NOL9: variants seen among roughly 807,000 people sequenced by gnomAD.
NOL9 encodes the protein nucleolar protein 9.
NOL9 carries 28 observed loss-of-function variants against 67.9 expected under a neutral mutation model. The ratio of observed to expected loss-of-function variants is 0.41; its 90% CI spans 0.31 to 0.57. The LOEUF (loss-of-function observed/expected upper bound fraction) is 0.57, where lower values mean the gene tolerates loss of function less well. Among genes scored for constraint, NOL9 ranks in the 20% least tolerant of loss-of-function variants. The probability of loss-of-function intolerance (pLI) is 0.25; values close to 1 mark genes in which losing one functional copy is unlikely to be tolerated. For missense variants in NOL9, 777 were observed against 897.0 expected, an observed-to-expected ratio of 0.87 and a Z score of 1.71; for synonymous variants, 356 against 352.2, an observed-to-expected ratio of 1.01 and a Z score of -0.12.
chr1:6,525,635 A>G lies in NOL9; in HGVS notation c.*219T>C, dbSNP rs1638866771. ...GCTGTTTTACTCCCTCTGGACAGCAAGTATGAGTATCACACAGAAGACTAG... is the reference window on the plus strand; with the variant it reads ...GCTGTTTTACTCCCTCTGGACAGCAGGTATGAGTATCACACAGAAGACTAG... On this transcript the variant is annotated 3_prime_UTR_variant, in exon 12 of 12. Coordinates refer to ENST00000377705, the MANE Select transcript of NOL9 (RefSeq NM_024654.5). 4 of 573,994 alleles carry G rather than the reference A, an allele frequency of 7.0e-6. No homozygotes were observed. Among genetic ancestry groups the G allele is most frequent in the Non-Finnish European group, 1.2e-5 (4 of 323,202 alleles). The allele number at this position is 573,994 out of a possible 1,614,324, so 35.6% of individuals were successfully genotyped here. A position where few individuals can be genotyped will look rare whatever the true frequency, so the allele number is the denominator to read the frequency against.
Position 6,545,034 on chromosome 1 carries a change from G to A in NOL9, c.880+11C>T, listed in dbSNP as rs1266059989. The A allele has an allele frequency of 5.6e-6, 9 of 1,613,976 alleles. No individual in the cohort carries two copies. Among genetic ancestry groups the A allele is most frequent in the Non-Finnish European group, 7.6e-6 (9 of 1,180,022 alleles). ...GACAGACATTCAGGGTGATCAATGT[G>A]TATTACTCACCACAGGAAACATTGA... On this transcript the variant is annotated intron_variant, in intron 4 of 11. Transcript: ENST00000377705.
Position 6,532,802 on chromosome 1 carries a change from C to T in NOL9, c.1238-42G>A. The T allele has an allele frequency of 2.0e-6, 3 of 1,529,686 alleles. No individual in the cohort carries two copies. The South Asian group carries it at 3.6e-5, about 18-fold the overall frequency. 94.8% of individuals were successfully genotyped at this position (1,529,686 alleles called of 1,614,324 possible). On this transcript the variant is annotated intron_variant, in intron 7 of 11. Transcript: ENST00000377705. ...TTAGCACAGCTGATACACTCAAGAA[C>T]AGTGACGCGCTCAAGAACAGTGACA...
At chr1:6,541,528 G>A (rs1195387957) in intron 6 of NOL9, among the ~76,000 whole-genome samples, 1 of 152,102 alleles carries the variant, frequency 6.6e-6, no homozygotes, top group Non-Finnish European at 1.5e-5. Context: ...CTCGATAGTT[G>A]TACATAAGAT....
At chr1:6,542,020 C>T (rs966148860) in intron 5 of NOL9, 93 bp from the exon 6 acceptor site, 4 of 713,860 alleles carry the variant, frequency 5.6e-6, no homozygotes, top group Middle Eastern at 3.2e-4. Flanking sequence ...TCATGTGACA[C>T]GCAGGCATAA....
In NOL9 at chr1:6,540,121, A is replaced by AGTCTT. The variant is rs1553183453; in HGVS notation, c.1075+1708_1075+1709insAAGAC. Among the ~76,000 whole-genome samples, 85 of 18,982 alleles carry AGTCTT rather than the reference A, an allele frequency of 4.5e-3. 2 individuals are homozygous for AGTCTT. The highest frequency in any genetic ancestry group is 0.012 in the African/African-American group (75 of 6,494). 12.5% of individuals were successfully genotyped at this position (18,982 alleles called of 152,430 possible). The stretch of plus-strand genomic sequence containing the variant: ...CTGCCTCAGCCTCCCAAGGAGAGTT[A>AGTCTT]TTCTTTTTTTTTTTTTTTTGAGACA... On this transcript the variant is annotated intron_variant, in intron 6 of 11. Transcript: ENST00000377705.
chr1:6,545,310 A>C, intron 3 of NOL9, 130 bp from the exon 4 acceptor site: 1 of 852,760 alleles, frequency 1.2e-6, no homozygotes, highest in Non-Finnish European at 1.8e-6. Flanking sequence ...TCCTGCCCCA[A>C]AATCCAACCC....
intron 6 of NOL9, among the ~76,000 whole-genome samples, chr1:6,535,500 G>T (rs1350867468): frequency 1.3e-5 from 2 of 152,226 alleles, no homozygotes; most frequent in Non-Finnish European, 1.5e-5. Context: ...GACGTAAGAG[G>T]AGCTCAGTAG....
At chr1:6,544,107 G>A (rs1384429786) in intron 5 of NOL9, among the ~76,000 whole-genome samples, 11 of 151,750 alleles carry the variant, frequency 7.2e-5, no homozygotes, top group African/African-American at 2.7e-4. Flanking sequence ...GCCTGGGTGA[G>A]TGAAACTCTG....
chr1:6,526,856 A>G (rs766455004), intron 10 of NOL9, 27 bp from the exon 11 acceptor site: 2 of 1,548,384 alleles, frequency 1.3e-6, no homozygotes, highest in Admixed American at 2.1e-5. Context: ...CAACACAAAA[A>G]TCACCCTTTT....
intron 1 of NOL9, among the ~76,000 whole-genome samples, chr1:6,551,013 C>T (rs564664201): frequency 2.4e-4 from 37 of 152,318 alleles, no homozygotes; most frequent in African/African-American, 8.4e-4. Context: ...GCTATTCACA[C>T]ATCAAAAGGC....
At position 6,525,958 on chromosome 1, in the gene NOL9, A is replaced by C; in HGVS notation, c.2005T>G (p.Phe669Val). The C allele has an allele frequency of 3.1e-6, 5 of 1,614,070 alleles. No homozygotes were observed. The highest frequency in any genetic ancestry group is 3.4e-6 in the Non-Finnish European group (4 of 1,179,942). ...TTCTCTGATGCTCCAGGAAGTTTAAAATTGTAATCCGTTGTGACATAAGGT... is the reference window on the plus strand; with the variant it reads ...TTCTCTGATGCTCCAGGAAGTTTAACATTGTAATCCGTTGTGACATAAGGT... The part of the protein sequence containing the change: ...TVPYVTTDYN[F>V]KLPGASEKIG... Residue 669 changes from phenylalanine (F) to valine (V), a missense_variant, in exon 12 of 12, where the codon TTT becomes GTT. By Grantham distance (50) the Phe-to-Val change is conservative. This residue lies in a region of NOL9 where 413 missense variants were observed against 552.6 expected (regional missense o/e 0.75). Transcript: ENST00000377705.
intron 3 of NOL9, among the ~76,000 whole-genome samples, chr1:6,546,406 A>T (rs1004030547): frequency 7.2e-5 from 11 of 152,176 alleles, no homozygotes; most frequent in African/African-American, 2.7e-4. Context: ...AGGCAATCAC[A>T]ACAGTCCGTT....
At chr1:6,547,819 C>T (rs1242260229) in intron 3 of NOL9, 1 of 156,340 alleles carries the variant, frequency 6.4e-6, no homozygotes, top group Admixed American at 6.5e-5. Flanking sequence ...CCTGCCACTG[C>T]ACTACAGCCT....
chr1:6,533,234 T>G (rs1639074118), intron 7 of NOL9, 46 bp downstream of exon 7: 2 of 1,522,298 alleles, frequency 1.3e-6, no homozygotes, highest in East Asian at 4.6e-5. Flanking sequence ...CCAACAGTAC[T>G]CACACTGCCT....
At chr1:6,542,825 C>G (rs2148658722) in intron 5 of NOL9, among the ~76,000 whole-genome samples, 1 of 151,850 alleles carries the variant, frequency 6.6e-6, no homozygotes, top group South Asian at 2.1e-4. Context: ...CTCCTGAACT[C>G]AAGTGATCCA....
At chr1:6,530,651 G>A (rs1353821086) in intron 9 of NOL9, among the ~76,000 whole-genome samples, 1 of 152,218 alleles carries the variant, frequency 6.6e-6, no homozygotes, top group Non-Finnish European at 1.5e-5. Context: ...TCGGGCCCAA[G>A]AAACATATCC....
chr1:6,550,590 C>A lies in NOL9; in HGVS notation c.422G>T (p.Arg141Leu). 1.2e-6 allele frequency: 2 copies of A among 1,613,156 alleles called. No homozygotes were observed. The highest frequency in any genetic ancestry group is 1.7e-6 in the Non-Finnish European group (2 of 1,179,830). The change falls in exon 2 of 12, where the codon CGT becomes CTT. Residue 141 changes from arginine to leucine, a missense_variant. Physicochemically the swap from Arg to Leu is moderately radical, Grantham distance 102. Around this residue, in one of 2 missense-constraint regions of NOL9, gnomAD observed 364 missense variants for 344.4 expected, o/e 1.06. Coordinates refer to ENST00000377705, the MANE Select transcript of NOL9 (RefSeq NM_024654.5). ...EQGFTFSGICRVTCLYGQVQV... is the reference protein window; with the variant it reads ...EQGFTFSGICLVTCLYGQVQV... ...CACCTGGCCATAGAGGCAAGTCACACGACAGATCCCACTAAAAGTAAAACC... is the reference window on the plus strand; with the variant it reads ...CACCTGGCCATAGAGGCAAGTCACAAGACAGATCCCACTAAAAGTAAAACC...
rs1638781978 is a variant in NOL9, at chr1:6,522,061, C to G, written c.*3793G>C. On this transcript the variant is annotated 3_prime_UTR_variant, in exon 12 of 12. Coordinates refer to ENST00000377705, the MANE Select transcript of NOL9 (RefSeq NM_024654.5). ...CCATCCAAACCCAAAAACAAATGACCTAGGCCGGGCGCGGTGGCTCACGCC... is the reference window on the plus strand; with the variant it reads ...CCATCCAAACCCAAAAACAAATGACGTAGGCCGGGCGCGGTGGCTCACGCC... The G allele has an allele frequency of 1.3e-5, 2 of 152,242 alleles. No individual in the cohort carries two copies. The highest frequency in any genetic ancestry group is 4.1e-4 in the South Asian group (2 of 4,836). The allele number at this position is 152,242 out of a possible 1,614,324, so 9.4% of individuals were successfully genotyped here. A position where few individuals can be genotyped will look rare whatever the true frequency, so the allele number is the denominator to read the frequency against.
rs146362012 is a variant in NOL9 at position 6,532,711 on chromosome 1, G to A, written c.1287C>T (p.Ser429=). 7 of 1,614,034 alleles carry A rather than the reference G, an allele frequency of 4.3e-6. No individual in the cohort carries two copies. In the African/African-American group the frequency reaches 9.3e-5, roughly 22 times the overall value. ...GGTCAGAGCGGAACTGAACCACGTG[G>A]CTGGGAGACAGCAATCGGATCAGAT... is the stretch of plus-strand genomic sequence containing the variant. ...LIDLIRLLSP[S]HVVQFRSDHS... The change falls in exon 8 of 12, where the codon AGC becomes AGT. Residue 429 remains serine, a synonymous_variant. Transcript: ENST00000377705.
Sources: allele counts gnomAD v4.1 joint callset (sites outside exome capture counted in the v4.1 genomes callset), GRCh38; gene constraint gnomAD v4.1.1; regional missense constraint gnomAD v4.1.1; transcripts MANE v1.5; gene names NCBI Gene and HGNC (gene_info 2026-07-23, HGNC 2026-07-21).